Variants in ZNF469 observed in about 807,000 individuals in gnomAD.
ZNF469 encodes zinc finger protein 469.
ZNF469 carries 1 observed loss-of-function variant against 1.0 expected under a neutral mutation model. The observed-to-expected ratio is 1.00, with a 90% CI of 0.35 to 4.73. The LOEUF (loss-of-function observed/expected upper bound fraction) is 4.73, where lower values mean the gene tolerates loss of function less well. Among genes scored for constraint, ZNF469 ranks in the 30% most tolerant of loss-of-function variants. ZNF469 has a pLI of 0.16. For synonymous variants in ZNF469, 2,703 were observed against 2,363.4 expected (o/e 1.14, Z -4.17); for missense variants, 6,100 against 5,356.3 (o/e 1.14, Z -4.33).
the ZNF469 span, among the ~76,000 whole-genome samples, chr16:88,320,708 T>A: frequency 6.6e-6 from 1 of 152,202 alleles, no homozygotes; most frequent in Non-Finnish European, 1.5e-5. Flanking sequence ...TTGACAGGTA[T>A]GTTGGTCTTG....
At chr16:88,171,174 C>T in the ZNF469 span, among the ~76,000 whole-genome samples, 210 of 152,316 alleles carry the variant, frequency 1.4e-3, no homozygotes, top group African/African-American at 5.0e-3. Flanking sequence ...GGAGATTTGG[C>T]AAAAGTCATG....
At chr16:88,242,204 C>G in the ZNF469 span, among the ~76,000 whole-genome samples, 1 of 152,238 alleles carries the variant, frequency 6.6e-6, no homozygotes, top group Non-Finnish European at 1.5e-5. Context: ...GAGCCCCACA[C>G]TGGGCCCTAA....
At chr16:88,107,814 C>G in the ZNF469 span, among the ~76,000 whole-genome samples, 22 of 152,232 alleles carry the variant, frequency 1.4e-4, no homozygotes, top group Non-Finnish European at 2.9e-4. Context: ...CTCAGGAGAG[C>G]ACAGCACTGT....
At chr16:88,165,352 C>T in the ZNF469 span, among the ~76,000 whole-genome samples, 4 of 152,246 alleles carry the variant, frequency 2.6e-5, no homozygotes, top group Non-Finnish European at 1.5e-5. Context: ...TGCCTTCAAC[C>T]TGGTGTCCCC....
upstream of ZNF469, among the ~76,000 whole-genome samples, chr16:88,380,573 T>TCA (rs1202746155): frequency 3.8e-5 from 3 of 79,238 alleles, no homozygotes; most frequent in Non-Finnish European, 5.3e-5. Context: ...ACAGACGCCC[T>TCA]CACACAGACA....
the ZNF469 span, among the ~76,000 whole-genome samples, chr16:88,166,772 A>AACACACACACACACACAC: frequency 0.011 from 1,654 of 145,838 alleles, 19 homozygotes; most frequent in African/African-American, 0.035. The surrounding 1 kb of genome is among the most constrained non-coding windows in gnomAD (Gnocchi z 4.5). Context: ...CAGAATCATA[A>AACACACACACACACACAC]ACACACACAC....
chr16:88,118,853 T>A, the ZNF469 span, among the ~76,000 whole-genome samples: 1 of 152,320 alleles, frequency 6.6e-6, no homozygotes, highest in Admixed American at 6.5e-5. Flanking sequence ...CAATAGAGAA[T>A]GCTGAGATGA....
the ZNF469 span, among the ~76,000 whole-genome samples, chr16:88,257,539 C>T: frequency 6.6e-6 from 1 of 152,178 alleles, no homozygotes; most frequent in Non-Finnish European, 1.5e-5. Flanking sequence ...TCAATTATTT[C>T]TTTCCTGGAT....
intron 1 of ZNF469, among the ~76,000 whole-genome samples, chr16:88,408,477 G>A (rs1312801095): frequency 1.3e-5 from 2 of 152,258 alleles, no homozygotes; most frequent in African/African-American, 4.8e-5. Flanking sequence ...GGAACAAAGG[G>A]AGGGCAAGTT....
chr16:88,394,493 G>C (rs1466125792), intron 1 of ZNF469, among the ~76,000 whole-genome samples: 1 of 152,198 alleles, frequency 6.6e-6, no homozygotes, highest in Non-Finnish European at 1.5e-5. Context: ...ACGTTCTGTT[G>C]GACTCAGTCT....
the ZNF469 span, among the ~76,000 whole-genome samples, chr16:88,236,895 A>T: frequency 2.0e-5 from 3 of 152,190 alleles, no homozygotes; most frequent in Admixed American, 1.3e-4. Context: ...ACTTAAAAGA[A>T]TCAGTGCTCT....
At chr16:88,272,204 G>A in the ZNF469 span, among the ~76,000 whole-genome samples, 40 of 132,904 alleles carry the variant, frequency 3.0e-4, no homozygotes, top group Non-Finnish European at 5.6e-4. Context: ...TTGTTAGATG[G>A]ATGGATAAAT....
chr16:88,425,847 C>A lies in ZNF469; in HGVS notation c.-127+976C>A, dbSNP rs564173245. 2.6e-5 allele frequency among the ~76,000 whole-genome samples: 4 copies of A among 152,322 alleles called. No individual in the cohort carries two copies. The South Asian group carries it at 8.3e-4, about 32-fold the overall frequency. On this transcript the variant is annotated intron_variant, in intron 2 of 2. Transcript: ENST00000565624. The stretch of plus-strand genomic sequence containing the variant: ...AGAGGAGGAAGGGGCACCCGGGCCC[C>A]CCAGCTGGCATGACTCTTTTTGGTG...
chr16:88,133,793 G>T, the ZNF469 span, among the ~76,000 whole-genome samples: 1 of 152,138 alleles, frequency 6.6e-6, no homozygotes, highest in Non-Finnish European at 1.5e-5. Flanking sequence ...TGTACATTAT[G>T]CATAAAAACG....
chr16:88,196,634 T>C, the ZNF469 span, among the ~76,000 whole-genome samples: 1 of 152,302 alleles, frequency 6.6e-6, no homozygotes, highest in South Asian at 2.1e-4. Context: ...GAACAGGGCC[T>C]ACAGGTTGGC....
the ZNF469 span, among the ~76,000 whole-genome samples, chr16:88,291,620 C>G: frequency 6.6e-6 from 1 of 152,094 alleles, no homozygotes; most frequent in Non-Finnish European, 1.5e-5. Context: ...GAGACTCTCC[C>G]ACTTGTGTAT....
chr16:88,194,121 C>T, the ZNF469 span, among the ~76,000 whole-genome samples: 20 of 152,294 alleles, frequency 1.3e-4, no homozygotes, highest in East Asian at 9.7e-4. Context: ...TTCCCCCCTC[C>T]GCCACACAAA....
At chr16:88,134,244 T>C in the ZNF469 span, among the ~76,000 whole-genome samples, 2 of 152,200 alleles carry the variant, frequency 1.3e-5, no homozygotes, top group Non-Finnish European at 1.5e-5. Context: ...CCCGGTGGTA[T>C]TTTGGGGCCA....
chr16:88,164,297 G>A, the ZNF469 span, among the ~76,000 whole-genome samples: 4 of 152,086 alleles, frequency 2.6e-5, no homozygotes, highest in Non-Finnish European at 5.9e-5. Flanking sequence ...ATGAATGGAT[G>A]GGTGGATGGA....
Sources: allele counts gnomAD v4.1 joint callset (sites outside exome capture counted in the v4.1 genomes callset), GRCh38; gene constraint gnomAD v4.1.1; non-coding constraint Gnocchi (gnomAD v3.1); transcripts MANE v1.5; gene names NCBI Gene and HGNC (gene_info 2026-07-23, HGNC 2026-07-21).